Variants in CACNA1E observed in about 807,000 individuals in gnomAD.
CACNA1E encodes calcium voltage-gated channel subunit alpha1 E.
In CACNA1E, 40 loss-of-function variants were observed where a neutral mutation model predicts 259.2. The ratio of observed to expected loss-of-function variants is 0.15; its 90% CI spans 0.12 to 0.20. The LOEUF (loss-of-function observed/expected upper bound fraction) is 0.20. Among genes scored for constraint, CACNA1E ranks in the 10% least tolerant of loss-of-function variants. The pLI is 1.00. For missense variants in CACNA1E, 1,874 were observed against 3,040.1 expected, an observed-to-expected ratio of 0.62 and a Z score of 9.02; for synonymous variants, 1,104 against 1,138.5, an observed-to-expected ratio of 0.97 and a Z score of 0.61.
chr1:181,794,416 G>A (rs1661605420), intron 45 of CACNA1E, among the ~76,000 whole-genome samples: 1 of 152,090 alleles, frequency 6.6e-6, no homozygotes, highest in South Asian at 2.1e-4. Flanking sequence ...AGTGCTGCAG[G>A]GCAGGGCCTT....
intron 6 of CACNA1E, among the ~76,000 whole-genome samples, chr1:181,612,237 G>A (rs1293496745): frequency 6.6e-6 from 1 of 152,172 alleles, no homozygotes; most frequent in Non-Finnish European, 1.5e-5. Flanking sequence ...GGTCTCTCTG[G>A]AGGGGAGCAG....
chr1:181,667,365 T>C (rs1290634986), intron 7 of CACNA1E, among the ~76,000 whole-genome samples: 1 of 152,180 alleles, frequency 6.6e-6, no homozygotes, highest in East Asian at 1.9e-4. Flanking sequence ...AAGATTCAGT[T>C]GCAAATGTTT....
intron 27 of CACNA1E, 100 bp downstream of exon 27, chr1:181,752,339 C>A: frequency 1.2e-6 from 1 of 858,284 alleles, no homozygotes; most frequent in Non-Finnish European, 2.0e-6. Context: ...TGGGAATATT[C>A]CTTTTTCTCA....
At chr1:181,663,197 C>T (rs181386342) in intron 7 of CACNA1E, among the ~76,000 whole-genome samples, 1 of 152,176 alleles carries the variant, frequency 6.6e-6, no homozygotes, top group African/African-American at 2.4e-5. Context: ...TTATTGAAAC[C>T]TTGTCATCTG....
At chr1:181,596,557 CGTGT>C (rs60302499) in intron 6 of CACNA1E, among the ~76,000 whole-genome samples, 20,887 of 140,450 alleles carry the variant, frequency 0.15, 1,592 homozygotes, top group East Asian at 0.22. Context: ...CCACCATGTA[CGTGT>C]GTGTGTGTGT....
intron 28 of CACNA1E, 40 bp from the exon 29 acceptor site, chr1:181,755,916 A>C: frequency 6.2e-7 from 1 of 1,600,780 alleles, no homozygotes; most frequent in Non-Finnish European, 8.5e-7. Context: ...AGAATGAGCT[A>C]TAGTGAGGAG....
At position 181,718,160 on chromosome 1, in the gene CACNA1E, A is replaced by AT; in HGVS notation, c.1635dup (p.Gly546TrpfsTer9). 6.3e-7 allele frequency: 1 copy of AT among 1,582,730 alleles called. No individual in the cohort carries two copies. The highest frequency in any genetic ancestry group is 1.7e-4 in the Middle Eastern group (1 of 6,006). ...TTTCACTCTTCATTCAACTGCTTTG[A>AT]TTTTGGGGTAAGTCCTCGGAAGCCT... On this transcript the variant is annotated frameshift_variant, in exon 12 of 48. Coordinates refer to ENST00000367573, the MANE Select transcript of CACNA1E (RefSeq NM_001205293.3). LOFTEE classifies it high-confidence loss of function.
chr1:181,781,563 A>C (rs1401057628), intron 39 of CACNA1E, 40 bp downstream of exon 39: 1 of 1,017,666 alleles, frequency 9.8e-7, no homozygotes, highest in Admixed American at 1.9e-5. Context: ...ACAGACCAAC[A>C]GGAAATGGGA....
chr1:181,338,410 C>G lies in CACNA1E; in HGVS notation c.-15+20287C>G, dbSNP rs1020879687. On this transcript the variant is annotated intron_variant, in intron 1 of 11. Coordinates refer to the CACNA1E transcript ENST00000524607. ...CCCTTTGTGGTTTTGATGTGCATTT[C>G]CCTGATGATTAGTGATGTCGAGCAC... Among the ~76,000 whole-genome samples, 4 of 151,936 alleles carry G rather than the reference C, an allele frequency of 2.6e-5. No individual in the cohort carries two copies. The East Asian group carries it at 7.7e-4, about 29-fold the overall frequency.
At chr1:181,627,968 TA>T (rs775488853) in intron 6 of CACNA1E, among the ~76,000 whole-genome samples, 1 of 152,384 alleles carries the variant, frequency 6.6e-6, no homozygotes, top group East Asian at 1.9e-4. Context: ...AAATATTCTT[TA>T]ATGCTGTAAG....
chr1:181,687,769 A>AT (rs905990969), intron 7 of CACNA1E, among the ~76,000 whole-genome samples: 4 of 151,806 alleles, frequency 2.6e-5, no homozygotes, highest in African/African-American at 9.7e-5. Flanking sequence ...TATATATTTT[A>AT]TTTTTTTTCC....
At chr1:181,444,203 G>A (rs1043089693) in intron 2 of CACNA1E, among the ~76,000 whole-genome samples, 1 of 152,206 alleles carries the variant, frequency 6.6e-6, no homozygotes, top group African/African-American at 2.4e-5. Context: ...AGTTAGTTGA[G>A]CTGCCTTCCT....
At chr1:181,518,189 A>G (rs1441843410) in intron 3 of CACNA1E, among the ~76,000 whole-genome samples, 1 of 152,180 alleles carries the variant, frequency 6.6e-6, no homozygotes, top group Admixed American at 6.5e-5. Context: ...CTGAGCTGCT[A>G]GATGAACAGA....
intron 1 of CACNA1E, among the ~76,000 whole-genome samples, chr1:181,405,825 C>G (rs529860382): frequency 6.6e-6 from 1 of 152,190 alleles, no homozygotes; most frequent in East Asian, 1.9e-4. Flanking sequence ...CAAAATCTTT[C>G]AAGTGCTTAG....
intron 6 of CACNA1E, among the ~76,000 whole-genome samples, chr1:181,644,151 G>C (rs1001743809): frequency 6.6e-6 from 1 of 152,186 alleles, no homozygotes; most frequent in Non-Finnish European, 1.5e-5. Flanking sequence ...AGTGGTGACT[G>C]TCCTATCTGT....
At position 181,483,642 on chromosome 1, in the gene CACNA1E, C is replaced by T; in HGVS notation, c.-103C>T. Reference sequence around the variant, plus strand: ...CAGAGGCGGTGGTCCCCGTGCTTGTCTGGATGCGGCTCTGAGTCTCCGTGT... The same window carrying T: ...CAGAGGCGGTGGTCCCCGTGCTTGTTTGGATGCGGCTCTGAGTCTCCGTGT... On this transcript the variant is annotated 5_prime_UTR_variant, in exon 1 of 48. Coordinates refer to ENST00000367573, the MANE Select transcript of CACNA1E (RefSeq NM_001205293.3). 1 of 748,686 alleles carries T rather than the reference C, an allele frequency of 1.3e-6. No individual in the cohort carries two copies. The highest frequency in any genetic ancestry group is 2.0e-6 in the Non-Finnish European group (1 of 491,238). The allele number at this position is 748,686 out of a possible 1,614,324, so 46.4% of individuals were successfully genotyped here. A position where few individuals can be genotyped will look rare whatever the true frequency, so the allele number is the denominator to read the frequency against.
intron 7 of CACNA1E, among the ~76,000 whole-genome samples, chr1:181,673,458 G>C (rs1649024157): frequency 6.6e-6 from 1 of 152,220 alleles, no homozygotes; most frequent in Admixed American, 6.5e-5. Context: ...GGGATATGGG[G>C]TGGCATCCAG....
chr1:181,419,050 C>T (rs1337531252), intron 2 of CACNA1E, among the ~76,000 whole-genome samples: 1 of 152,164 alleles, frequency 6.6e-6, no homozygotes. Flanking sequence ...TCTGCCCCTC[C>T]CTGCTAGACT....
chr1:181,775,526 C>A (rs1025396911), intron 37 of CACNA1E, among the ~76,000 whole-genome samples: 2 of 152,136 alleles, frequency 1.3e-5, no homozygotes, highest in Non-Finnish European at 2.9e-5. Flanking sequence ...TCTCTAAACC[C>A]CTTTAGTAGT....
Sources: allele counts gnomAD v4.1 joint callset (sites outside exome capture counted in the v4.1 genomes callset), GRCh38; gene constraint gnomAD v4.1.1; transcripts MANE v1.5; gene names NCBI Gene and HGNC (gene_info 2026-07-23, HGNC 2026-07-21).